TTC33: variants seen among roughly 807,000 people sequenced by gnomAD.
The protein encoded by TTC33 is tetratricopeptide repeat domain 33.
A neutral mutation model predicts 29.4 loss-of-function variants in TTC33; 24 were observed. That is an observed-to-expected ratio of 0.82 (90% CI 0.59 to 1.15). The LOEUF is 1.15. Ranked by LOEUF, TTC33 falls within the 50% of genes most tolerant of loss-of-function variation. The probability of loss-of-function intolerance (pLI) is 0.00; values close to 1 mark genes in which losing one functional copy is unlikely to be tolerated. For missense variants in TTC33, 286 were observed against 310.4 expected, an observed-to-expected ratio of 0.92 and a Z score of 0.59; for synonymous variants, 107 against 100.3, an observed-to-expected ratio of 1.07 and a Z score of -0.40.
intron 2 of TTC33, among the ~76,000 whole-genome samples, chr5:40,741,849 C>T (rs184768804): frequency 3.9e-4 from 59 of 152,120 alleles, no homozygotes; most frequent in Admixed American, 2.0e-4. Context: ...ATTAGCCAGG[C>T]GTGGTGGCAC....
intron 3 of TTC33, 95 bp from the exon 4 acceptor site, chr5:40,728,571 G>C: frequency 8.2e-7 from 1 of 1,221,344 alleles, no homozygotes; most frequent in Non-Finnish European, 1.1e-6. Context: ...TATATTTTTA[G>C]TCCAGTAAAA....
chr5:40,716,919 T>C (rs1742013067), intron 4 of TTC33, among the ~76,000 whole-genome samples: 2 of 152,278 alleles, frequency 1.3e-5, no homozygotes, highest in Admixed American at 6.5e-5. Flanking sequence ...TTTACTACAT[T>C]CTAGGCACTA....
intron 1 of TTC33, among the ~76,000 whole-genome samples, chr5:40,748,768 A>G (rs887925532): frequency 2.6e-5 from 4 of 152,240 alleles, no homozygotes; most frequent in African/African-American, 4.8e-5. Context: ...AAAATTTTCC[A>G]TAATAAAAAG....
At chr5:40,724,119 C>T (rs1742222909) in intron 4 of TTC33, among the ~76,000 whole-genome samples, 2 of 152,286 alleles carry the variant, frequency 1.3e-5, no homozygotes, top group Non-Finnish European at 2.9e-5. Context: ...TATGTAGAAA[C>T]AACCTAAATG....
chr5:40,738,071 T>C (rs934866897), intron 2 of TTC33, among the ~76,000 whole-genome samples: 1 of 152,166 alleles, frequency 6.6e-6, no homozygotes, highest in Non-Finnish European at 1.5e-5. Flanking sequence ...TGAATTAGTA[T>C]CTAGGAATAA....
chr5:40,716,027 T>C lies in TTC33; in HGVS notation c.*118A>G. ...CATTTTAGTTTTTATATGCCTCATC[T>C]GAAAAACATATTTTACAACCAGGCG... On this transcript the variant is annotated 3_prime_UTR_variant, in exon 5 of 5. Transcript: ENST00000337702. 1 of 838,496 alleles carries C rather than the reference T, an allele frequency of 1.2e-6. No homozygotes were observed. Among genetic ancestry groups the C allele is most frequent in the Non-Finnish European group, 1.8e-6 (1 of 554,780 alleles). The allele number at this position is 838,496 out of a possible 1,614,324, so 51.9% of individuals were successfully genotyped here.
chr5:40,729,702 CTTAT>C (rs1207263360), intron 3 of TTC33, among the ~76,000 whole-genome samples: 43 of 152,060 alleles, frequency 2.8e-4, no homozygotes, highest in Non-Finnish European at 1.8e-4. Flanking sequence ...TTTTTATTTA[CTTAT>C]TTATTTTTTT....
Position 40,746,917 on chromosome 5 carries a change from G to A in TTC33, c.102C>T (p.Asp34=). ...CATGAAGCCAGTTCCCTTCATCGTT[G>A]TCAACTACATCCTTCTCATCAGCAG... is the stretch of plus-strand genomic sequence containing the variant. ...AEAADEKDVV[D]NDEGNWLHAI... The change falls in exon 2 of 5, where the codon GAC becomes GAT. Residue 34 remains aspartate, a synonymous_variant. Transcript: ENST00000337702. 6.2e-7 allele frequency: 1 copy of A among 1,614,092 alleles called. No individual in the cohort carries two copies. The highest frequency in any genetic ancestry group is 1.1e-5 in the South Asian group (1 of 91,082).
chr5:40,727,702 T>C lies in TTC33; in HGVS notation c.435+643A>G, dbSNP rs190288603. ...ATACTAATACCACTTTATAATGTGG[T>C]AAATGTAATGATCCAAAGAACTAAG... On this transcript the variant is annotated intron_variant, in intron 4 of 4. Transcript: ENST00000337702. Among the ~76,000 whole-genome samples, 20 of 152,334 alleles carry C rather than the reference T, an allele frequency of 1.3e-4. No individual in the cohort carries two copies. In the East Asian group the frequency reaches 3.5e-3, roughly 26 times the overall value.
chr5:40,729,683 TTTATTTATTTTTTATTTAC>T (rs1455234547), intron 3 of TTC33, among the ~76,000 whole-genome samples: 1 of 152,144 alleles, frequency 6.6e-6, no homozygotes, highest in Non-Finnish European at 1.5e-5. Context: ...ACAGTGACTT[TTTATTTATTTTTTATTTAC>T]TTATTTATTT....
In TTC33 at chr5:40,747,005, C is replaced by G. The variant is rs770919540; in HGVS notation, c.14G>C (p.Gly5Ala). Residue 5 changes from glycine (G) to alanine (A), a missense_variant, in exon 2 of 5, where the codon GGG becomes GCG. Transcript: ENST00000337702. ...CTTCTCACCAATTTTCCTCTTCCAC[C>G]CAAAGGAAGCCATTCTGGAAAATTA... MASFGWKRKIGEKVS... is the reference protein window; with the variant it reads MASFAWKRKIGEKVS... 1.2e-6 allele frequency: 2 copies of G among 1,608,634 alleles called. No homozygotes were observed. Among genetic ancestry groups the G allele is most frequent in the South Asian group, 2.2e-5 (2 of 89,480 alleles).
intron 1 of TTC33, among the ~76,000 whole-genome samples, chr5:40,748,989 G>A (rs937095312): frequency 2.6e-5 from 4 of 152,126 alleles, no homozygotes; most frequent in Non-Finnish European, 5.9e-5. Flanking sequence ...AGCCAGGCGT[G>A]GTGGTACATG....
chr5:40,751,718 G>T (rs1742897230), intron 1 of TTC33, among the ~76,000 whole-genome samples: 1 of 152,076 alleles, frequency 6.6e-6, no homozygotes, highest in Non-Finnish European at 1.5e-5. Flanking sequence ...CAGCACTTTG[G>T]GGGGCCAAGG....
chr5:40,733,699 G>A (rs1579681495), intron 2 of TTC33, among the ~76,000 whole-genome samples: 1 of 152,284 alleles, frequency 6.6e-6, no homozygotes, highest in Middle Eastern at 3.4e-3. Flanking sequence ...GCACAATAAA[G>A]AGCTGTCTTG....
rs183140717 is a variant in TTC33, at chr5:40,723,573, C to A, written c.435+4772G>T. 4.0e-3 allele frequency among the ~76,000 whole-genome samples: 592 copies of A among 149,240 alleles called. 2 individuals are homozygous for A. Among genetic ancestry groups the A allele is most frequent in the Non-Finnish European group, 6.3e-3 (425 of 67,258 alleles). On this transcript the variant is annotated intron_variant, in intron 4 of 4. Coordinates refer to ENST00000337702, the MANE Select transcript of TTC33 (RefSeq NM_012382.3). ...GTTAAAATGGGTATTATCACACACA[C>A]AAAAAAGGTGGCCAGATGCGGTGAC...
chr5:40,723,784 G>A (rs545470513), intron 4 of TTC33, among the ~76,000 whole-genome samples: 12 of 152,076 alleles, frequency 7.9e-5, no homozygotes, highest in South Asian at 2.1e-4. Context: ...AGAATCACTC[G>A]AACCCGGGAG....
In TTC33 at chr5:40,715,944, G is replaced by A. The variant is rs1741987155; in HGVS notation, c.*201C>T. 4 of 445,808 alleles carry A rather than the reference G, an allele frequency of 9.0e-6. No homozygotes were observed. Among genetic ancestry groups the A allele is most frequent in the Non-Finnish European group, 1.6e-5 (4 of 255,850 alleles). The allele number at this position is 445,808 out of a possible 1,614,324, so 27.6% of individuals were successfully genotyped here. ...CCATTTTACTCAGAATTTTAACCTT[G>A]AGAAATATAAATCATAACTTATCAA... is the stretch of plus-strand genomic sequence containing the variant. On this transcript the variant is annotated 3_prime_UTR_variant, in exon 5 of 5. Coordinates refer to ENST00000337702, the MANE Select transcript of TTC33 (RefSeq NM_012382.3).
chr5:40,731,515 G>A (rs1020411215), intron 2 of TTC33, among the ~76,000 whole-genome samples: 10 of 152,196 alleles, frequency 6.6e-5, no homozygotes, highest in Admixed American at 6.5e-4. Context: ...GGCAGAAGGG[G>A]AAGCAAACAC....
In TTC33 at chr5:40,712,439, G is replaced by A. The variant is rs1741915254; in HGVS notation, c.*3706C>T. 6.6e-6 allele frequency among the ~76,000 whole-genome samples: 1 copy of A among 152,088 alleles called. No individual in the cohort carries two copies. Among genetic ancestry groups the A allele is most frequent in the South Asian group, 2.1e-4 (1 of 4,830 alleles). ...TGAACCACTTGAGACACAGACAGAT[G>A]GAGATTCAATATTTTAAGTTTACTG... On this transcript the variant is annotated 3_prime_UTR_variant, in exon 5 of 5. Transcript: ENST00000337702.
Sources: allele counts gnomAD v4.1 joint callset (sites outside exome capture counted in the v4.1 genomes callset), GRCh38; gene constraint gnomAD v4.1.1; transcripts MANE v1.5; gene names NCBI Gene and HGNC (gene_info 2026-07-23, HGNC 2026-07-21).